Variants in ITPR1 observed in about 807,000 individuals in gnomAD.
ITPR1 encodes the protein inositol 1,4,5-trisphosphate-gated calcium channel ITPR1.
ITPR1 carries 96 observed loss-of-function variants against 318.4 expected under a neutral mutation model. The observed-to-expected ratio is 0.30, with a 90% CI of 0.26 to 0.36. The LOEUF (loss-of-function observed/expected upper bound fraction) is 0.36. ITPR1 is among the 10% of genes least tolerant of loss of function. The pLI, the probability that ITPR1 is intolerant of heterozygous loss-of-function variation, is 1.00. For synonymous variants in ITPR1, 1,312 were observed against 1,289.9 expected (o/e 1.02, Z -0.37); for missense variants, 2,440 against 3,460.2 (o/e 0.71, Z 7.40).
chr3:4,687,799 T>A lies in ITPR1; in HGVS notation c.3703-696T>A, dbSNP rs539036862. ...AATGCCAGGGAGGGTATTATCCCCA[T>A]TTTGCTGATGGGAAAACTAAGTCTG... On this transcript the variant is annotated intron_variant, in intron 30 of 61. Coordinates refer to ENST00000649015, the MANE Select transcript of ITPR1 (RefSeq NM_001378452.1). Among the ~76,000 whole-genome samples the A allele has an allele frequency of 8.5e-5, 13 of 152,320 alleles. No individual in the cohort carries two copies. The South Asian group carries it at 2.7e-3, about 32-fold the overall frequency.
intron 4 of ITPR1, among the ~76,000 whole-genome samples, chr3:4,523,181 C>T (rs989953547): frequency 2.0e-5 from 3 of 152,122 alleles, no homozygotes; most frequent in East Asian, 1.9e-4. Context: ...TTGGGTCCAG[C>T]GTGAGCTCTT....
intron 28 of ITPR1, 56 bp from the exon 29 acceptor site, chr3:4,684,225 A>G (rs1416490833): frequency 1.7e-6 from 2 of 1,165,532 alleles, no homozygotes; most frequent in East Asian, 2.4e-5. Context: ...ACTGTAAAAA[A>G]CTGACAGTAG....
chr3:4,723,178 T>C (rs1423132056), intron 40 of ITPR1, among the ~76,000 whole-genome samples: 1 of 152,032 alleles, frequency 6.6e-6, no homozygotes, highest in East Asian at 1.9e-4. Flanking sequence ...AAAAAGAATA[T>C]TTGCTTTGTC....
chr3:4,718,784 C>T (rs947895338), intron 40 of ITPR1, among the ~76,000 whole-genome samples: 1 of 152,206 alleles, frequency 6.6e-6, no homozygotes, highest in Admixed American at 6.5e-5. Flanking sequence ...CTGCCGTTAA[C>T]TGCAGGGAAT....
At chr3:4,684,637 T>C (rs1028702509) in intron 29 of ITPR1, among the ~76,000 whole-genome samples, 1 of 152,256 alleles carries the variant, frequency 6.6e-6, no homozygotes, top group East Asian at 1.9e-4. Context: ...GAAGGACTAA[T>C]TGAGAATACT....
intron 4 of ITPR1, among the ~76,000 whole-genome samples, chr3:4,623,310 C>G (rs1037273734): frequency 6.6e-6 from 1 of 152,208 alleles, no homozygotes; most frequent in African/African-American, 2.4e-5. Context: ...CTGCTTCAAC[C>G]CCTTTATTCA....
intron 4 of ITPR1, among the ~76,000 whole-genome samples, chr3:4,622,596 G>A (rs1173053442): frequency 6.6e-6 from 1 of 151,894 alleles, no homozygotes; most frequent in African/African-American, 2.4e-5. Flanking sequence ...GCTAATTTTT[G>A]TATTTTTAGT....
intron 4 of ITPR1, among the ~76,000 whole-genome samples, chr3:4,619,995 A>G (rs1050939793): frequency 1.3e-5 from 2 of 151,358 alleles, no homozygotes; most frequent in Admixed American, 1.3e-4. Context: ...GTGCTTTTTC[A>G]CTTTTGGTTA....
intron 4 of ITPR1, among the ~76,000 whole-genome samples, chr3:4,578,708 C>T (rs1034975335): frequency 3.9e-5 from 6 of 152,128 alleles, no homozygotes; most frequent in African/African-American, 7.2e-5. Flanking sequence ...GTGGTTGGCG[C>T]GCTCATGATT....
chr3:4,834,823 G>T (rs2050777343), intron 60 of ITPR1, among the ~76,000 whole-genome samples: 1 of 152,132 alleles, frequency 6.6e-6, no homozygotes, highest in Non-Finnish European at 1.5e-5. Context: ...TTTGCCCATT[G>T]CTCTGTGGTG....
In ITPR1 at chr3:4,841,724, C is replaced by G. The variant is rs9824167; in HGVS notation, c.8191-4415C>G. Among the ~76,000 whole-genome samples, 1,501 of 152,270 alleles carry G rather than the reference C, an allele frequency of 9.9e-3. 21 individuals are homozygous for G. The highest frequency in any genetic ancestry group is 0.034 in the African/African-American group (1,402 of 41,538). Reference sequence around the variant, plus strand: ...TTAGAGTAATTACCACAGAAGTCTTCTCAGAGGTGGTAATTCAGGAGCTTG... The same window carrying G: ...TTAGAGTAATTACCACAGAAGTCTTGTCAGAGGTGGTAATTCAGGAGCTTG... On this transcript the variant is annotated intron_variant, in intron 61 of 61. Transcript: ENST00000649015.
intron 35 of ITPR1, 58 bp from the exon 36 acceptor site, chr3:4,702,772 A>G: frequency 3.2e-6 from 5 of 1,565,386 alleles, no homozygotes; most frequent in African/African-American, 1.3e-5. Context: ...TGATCGGATC[A>G]TCAGTAGTCT....
intron 2 of ITPR1, among the ~76,000 whole-genome samples, chr3:4,506,604 G>T (rs1025036389): frequency 2.0e-5 from 3 of 152,148 alleles, no homozygotes; most frequent in Non-Finnish European, 2.9e-5. Flanking sequence ...TATCACGGGA[G>T]CAGGGACCTT....
chr3:4,836,245 G>A (rs771632580), intron 60 of ITPR1, among the ~76,000 whole-genome samples: 115 of 152,186 alleles, frequency 7.6e-4, no homozygotes, highest in Non-Finnish European at 1.2e-3. Context: ...GTGGTTGCCC[G>A]GGGCCGGCGG....
rs73807117 is a variant in ITPR1, at chr3:4,675,031, T to G, written c.2599-37T>G. 5.6e-3 allele frequency: 6,735 copies of G among 1,192,748 alleles called. 181 individuals carry two copies. In the African/African-American group the frequency reaches 0.066, roughly 12 times the overall value. 73.9% of individuals were successfully genotyped at this position (1,192,748 alleles called of 1,614,324 possible). A position where few individuals can be genotyped will look rare whatever the true frequency, so the allele number is the denominator to read the frequency against. ...ATGGAATTGAAGGGGATGCAGTTTATGTAATACCGTCTTCTTCTTTTATTT... is the reference window on the plus strand; with the variant it reads ...ATGGAATTGAAGGGGATGCAGTTTAGGTAATACCGTCTTCTTCTTTTATTT... On this transcript the variant is annotated intron_variant, in intron 22 of 61. Coordinates refer to ENST00000649015, the MANE Select transcript of ITPR1 (RefSeq NM_001378452.1).
At chr3:4,776,552 G>T (rs747967481) in intron 47 of ITPR1, among the ~76,000 whole-genome samples, 2 of 152,146 alleles carry the variant, frequency 1.3e-5, no homozygotes, top group Non-Finnish European at 2.9e-5. Flanking sequence ...TAAAAACCTG[G>T]TCTCAGTTGT....
chr3:4,663,965 C>G (rs1349928707), intron 16 of ITPR1, among the ~76,000 whole-genome samples: 1 of 152,176 alleles, frequency 6.6e-6, no homozygotes, highest in Non-Finnish European at 1.5e-5. Context: ...TCTTCAGTGT[C>G]TGTCCATGGC....
intron 4 of ITPR1, among the ~76,000 whole-genome samples, chr3:4,563,245 C>A (rs1039817359): frequency 1.2e-4 from 18 of 152,150 alleles, no homozygotes; most frequent in African/African-American, 4.3e-4. Context: ...CTGGGTGTCA[C>A]ACCTGTAATC....
intron 3 of ITPR1, 110 bp from the exon 4 acceptor site, chr3:4,520,914 T>C: frequency 1.3e-6 from 1 of 784,388 alleles, no homozygotes; most frequent in East Asian, 2.7e-5. Flanking sequence ...CAGGAGAATA[T>C]GGCAATCTAA....
Sources: allele counts gnomAD v4.1 joint callset (sites outside exome capture counted in the v4.1 genomes callset), GRCh38; gene constraint gnomAD v4.1.1; transcripts MANE v1.5; gene names NCBI Gene and HGNC (gene_info 2026-07-23, HGNC 2026-07-21).